Variants in PIGL observed in about 807,000 individuals in gnomAD.
PIGL encodes N-acetylglucosaminyl-phosphatidylinositol de-N-acetylase.
In PIGL, 22 loss-of-function variants were observed where a neutral mutation model predicts 31.1. That is an observed-to-expected ratio of 0.71 (90% CI 0.51 to 1.01). The LOEUF (loss-of-function observed/expected upper bound fraction) is 1.01. PIGL is among the 50% of genes least tolerant of loss of function. The pLI, the probability that PIGL is intolerant of heterozygous loss-of-function variation, is 0.00. For synonymous variants in PIGL, 131 were observed against 117.4 expected, an observed-to-expected ratio of 1.12 and a Z score of -0.75; for missense variants, 302 against 315.9, an observed-to-expected ratio of 0.96 and a Z score of 0.33.
intron 2 of PIGL, among the ~76,000 whole-genome samples, chr17:16,295,333 G>A (rs2092976744): frequency 6.6e-6 from 1 of 151,564 alleles, no homozygotes; most frequent in South Asian, 2.1e-4. Context: ...AACCCAGGTG[G>A]CGGAGGTTGC....
At chr17:16,217,752 G>C (rs1009743991) in intron 1 of PIGL, 5 of 379,136 alleles carry the variant, frequency 1.3e-5, no homozygotes, top group African/African-American at 1.0e-4. Context: ...ACCTGTACTT[G>C]TTATTCTGTG....
intron 2 of PIGL, among the ~76,000 whole-genome samples, chr17:16,246,983 C>G (rs1290080651): frequency 1.3e-5 from 2 of 151,998 alleles, no homozygotes. Context: ...GCCACCGCGC[C>G]CGGCCCAGAT....
At chr17:16,255,189 A>T (rs2092788990) in intron 2 of PIGL, among the ~76,000 whole-genome samples, 1 of 152,234 alleles carries the variant, frequency 6.6e-6, no homozygotes, top group Admixed American at 6.5e-5. Context: ...CCCTTGACTT[A>T]CATAGTTTTA....
intron 5 of PIGL, chr17:16,317,019 C>T (rs764192823): frequency 8.1e-5 from 94 of 1,154,186 alleles, no homozygotes; most frequent in Non-Finnish European, 1.0e-4. Context: ...CAATCCCATC[C>T]CCCAACCAAT....
chr17:16,238,529 G>T (rs1568786961), intron 2 of PIGL, among the ~76,000 whole-genome samples: 1 of 144,206 alleles, frequency 6.9e-6, no homozygotes, highest in African/African-American at 2.6e-5. Context: ...TCCTCCTCCT[G>T]TGTTCAAGCC....
chr17:16,285,309 G>A (rs1304595361), intron 2 of PIGL, among the ~76,000 whole-genome samples: 5 of 151,898 alleles, frequency 3.3e-5, no homozygotes, highest in Middle Eastern at 3.4e-3. Context: ...AATCCAGGCC[G>A]GGCGCGGTGG....
intron 2 of PIGL, among the ~76,000 whole-genome samples, chr17:16,261,325 G>C (rs1012350569): frequency 1.3e-5 from 2 of 152,064 alleles, no homozygotes; most frequent in Non-Finnish European, 2.9e-5. Context: ...GGCCACAGAG[G>C]TTTCTAGCTG....
At chr17:16,238,050 G>A (rs62072526) in intron 2 of PIGL, among the ~76,000 whole-genome samples, 12 of 151,760 alleles carry the variant, frequency 7.9e-5, no homozygotes, top group Non-Finnish European at 1.5e-4. Flanking sequence ...ACAAAAATTA[G>A]TGGGGTGTGG....
intron 2 of PIGL, among the ~76,000 whole-genome samples, chr17:16,241,114 CAAAAAA>C (rs35578509): frequency 5.7e-5 from 3 of 52,994 alleles, no homozygotes; most frequent in Non-Finnish European, 1.0e-4. Flanking sequence ...AACTCCCTCT[CAAAAAA>C]AAAAAAAAAA....
At chr17:16,245,904 C>T (rs913948216) in intron 2 of PIGL, among the ~76,000 whole-genome samples, 10 of 151,708 alleles carry the variant, frequency 6.6e-5, no homozygotes, top group African/African-American at 2.4e-4. Flanking sequence ...GCTTCAAGCT[C>T]TGCCTCCTGG....
intron 6 of PIGL, among the ~76,000 whole-genome samples, chr17:16,324,650 T>A (rs2093119741): frequency 6.6e-6 from 1 of 152,182 alleles, no homozygotes; most frequent in Non-Finnish European, 1.5e-5. Context: ...TGAGCCTCCA[T>A]ACCTGGCAAG....
chr17:16,276,831 A>G (rs2092897970), intron 2 of PIGL, among the ~76,000 whole-genome samples: 1 of 152,252 alleles, frequency 6.6e-6, no homozygotes, highest in Non-Finnish European at 1.5e-5. Flanking sequence ...TCCCATTTTT[A>G]CTAAAGACAA....
intron 2 of PIGL, among the ~76,000 whole-genome samples, chr17:16,281,314 C>T (rs567754197): frequency 7.8e-4 from 119 of 152,258 alleles, no homozygotes; most frequent in Admixed American, 1.7e-3. Flanking sequence ...GATGCTAATT[C>T]TAGGAATGTT....
At chr17:16,294,458 C>T (rs775354980) in intron 2 of PIGL, among the ~76,000 whole-genome samples, 9 of 152,040 alleles carry the variant, frequency 5.9e-5, no homozygotes, top group Non-Finnish European at 8.8e-5. Flanking sequence ...TCCCCCAGTA[C>T]GGTTCTCCCC....
chr17:16,319,902 G>A (rs1375318079), intron 6 of PIGL, among the ~76,000 whole-genome samples: 1 of 152,010 alleles, frequency 6.6e-6, no homozygotes, highest in Non-Finnish European at 1.5e-5. Context: ...TAGGGAGAGG[G>A]TGGGCTGAGG....
chr17:16,238,313 T>TA (rs1438028262), intron 2 of PIGL, among the ~76,000 whole-genome samples: 3 of 151,932 alleles, frequency 2.0e-5, no homozygotes, highest in Non-Finnish European at 2.9e-5. Flanking sequence ...TATGACTGAT[T>TA]ATGATGCCTG....
intron 2 of PIGL, among the ~76,000 whole-genome samples, chr17:16,263,096 G>C (rs1021777272): frequency 5.4e-5 from 8 of 147,828 alleles, no homozygotes; most frequent in African/African-American, 1.7e-4. Flanking sequence ...GTTTATTTGG[G>C]GGGGGGGGAT....
intron 2 of PIGL, among the ~76,000 whole-genome samples, chr17:16,275,885 G>A (rs1411469551): frequency 3.3e-5 from 5 of 152,120 alleles, no homozygotes; most frequent in African/African-American, 1.2e-4. Flanking sequence ...TTAGCCAGGT[G>A]TGGTGGTGGG....
intron 2 of PIGL, among the ~76,000 whole-genome samples, chr17:16,235,356 T>C (rs937789102): frequency 5.9e-5 from 9 of 152,138 alleles, no homozygotes; most frequent in Admixed American, 5.2e-4. Flanking sequence ...AGTGGATTTG[T>C]TGAAGAAACT....
Sources: gnomAD v4.1 joint callset for allele counts (sites outside exome capture counted in the v4.1 genomes callset) on GRCh38, gnomAD v4.1.1 for gene constraint, MANE v1.5 for transcripts, NCBI Gene and HGNC (gene_info 2026-07-23, HGNC 2026-07-21) for gene names.